CENPH: variants seen among roughly 807,000 people sequenced by gnomAD.
CENPH encodes the protein CENP-H.
Under a neutral mutation model 42.9 loss-of-function variants are expected in CENPH, and 40 were observed. The observed-to-expected ratio is 0.93, with a 90% CI of 0.72 to 1.21. CENPH has a LOEUF of 1.21. Ranked by LOEUF, CENPH falls within the 50% of genes most tolerant of loss-of-function variation. CENPH has a pLI of 0.00. For synonymous variants in CENPH, 88 were observed against 96.5 expected (o/e 0.91, Z 0.52); for missense variants, 302 against 292.9 (o/e 1.03, Z -0.23).
chr5:69,200,744 T>TTTTTTTTTTG (rs1748046336), intron 5 of CENPH, among the ~76,000 whole-genome samples: 1 of 97,496 alleles, frequency 1.0e-5, no homozygotes, highest in South Asian at 3.9e-4. Context: ...TTTTTTTTTT[T>TTTTTTTTTTG]TTTTTTTTTG....
intron 5 of CENPH, among the ~76,000 whole-genome samples, chr5:69,199,706 G>A (rs941100421): frequency 2.0e-5 from 3 of 152,152 alleles, no homozygotes; most frequent in Admixed American, 6.6e-5. Flanking sequence ...TAAGACAGTT[G>A]TAACTTTCTC....
chr5:69,193,552 G>C (rs193109683), intron 2 of CENPH, among the ~76,000 whole-genome samples: 140 of 150,366 alleles, frequency 9.3e-4, no homozygotes, highest in Admixed American at 1.5e-3. Flanking sequence ...GGGATATCAA[G>C]GCTGCAGTGA....
Position 69,189,676 on chromosome 5 carries a change from G to T in CENPH, c.42G>T (p.Ala14=), listed in dbSNP as rs890308297. 8.1e-6 allele frequency: 13 copies of T among 1,597,038 alleles called. No individual in the cohort carries two copies. The Admixed American group carries it at 1.0e-4, about 13-fold the overall frequency. ...QPQMQDADEP[A]DSGGEGRAGG... ...AGATGCAAGACGCCGACGAGCCCGC[G>T]GACTCCGGAGGGGAAGGCCGGGCAG... Residue 14 remains alanine (A), a synonymous_variant, in exon 1 of 9, where the codon GCG becomes GCT. Transcript: ENST00000283006.
intron 2 of CENPH, among the ~76,000 whole-genome samples, chr5:69,193,167 A>G (rs1377917596): frequency 6.7e-6 from 1 of 150,246 alleles, no homozygotes; most frequent in South Asian, 2.1e-4. Context: ...ATATATGTAT[A>G]TATATGTGTG....
chr5:69,203,575 G>T (rs1748092793), intron 7 of CENPH, among the ~76,000 whole-genome samples: 1 of 152,018 alleles, frequency 6.6e-6, no homozygotes, highest in Non-Finnish European at 1.5e-5. Flanking sequence ...CACCATGTTG[G>T]CCAGGCTGGT....
chr5:69,195,759 T>TTTTTTACC lies in CENPH; in HGVS notation c.282_283insTTTTTACC (p.Ala95PhefsTer7). 1 of 1,561,986 alleles carries TTTTTTACC rather than the reference T, an allele frequency of 6.4e-7. No homozygotes were observed. The highest frequency in any genetic ancestry group is 8.7e-7 in the Non-Finnish European group (1 of 1,150,514). ...AAAATGAAATTGAAGAGGTAAAAGT[T>TTTTTTACC]GCTTTTGAGATAAAAAAGCTTGCAT... On this transcript the variant is annotated frameshift_variant, in exon 4 of 9. Transcript: ENST00000283006. LOFTEE classifies it high-confidence loss of function.
intron 1 of CENPH, among the ~76,000 whole-genome samples, chr5:69,190,445 A>G (rs1580221487): frequency 6.6e-6 from 1 of 152,364 alleles, no homozygotes; most frequent in Non-Finnish European, 1.5e-5. Context: ...TTGGAGTACA[A>G]CTTTCCTGCC....
At chr5:69,194,249 C>T (rs527897186) in intron 2 of CENPH, among the ~76,000 whole-genome samples, 39 of 152,160 alleles carry the variant, frequency 2.6e-4, no homozygotes, top group African/African-American at 7.9e-4. Context: ...ACCCCAACCT[C>T]GTGGGCTCAA....
At chr5:69,209,204 A>C (rs573932948) in intron 8 of CENPH, among the ~76,000 whole-genome samples, 1 of 152,212 alleles carries the variant, frequency 6.6e-6, no homozygotes, top group Non-Finnish European at 1.5e-5. Flanking sequence ...TCAAGGCTAA[A>C]GCCTTACTAA....
intron 7 of CENPH, among the ~76,000 whole-genome samples, chr5:69,206,670 T>C (rs1165211554): frequency 1.3e-5 from 2 of 152,034 alleles, no homozygotes; most frequent in African/African-American, 4.8e-5. Context: ...CACTGATTTA[T>C]ATTTTTAGTA....
intron 2 of CENPH, among the ~76,000 whole-genome samples, chr5:69,193,665 T>TG (rs1747916843): frequency 1.3e-5 from 2 of 148,234 alleles, no homozygotes; most frequent in Non-Finnish European, 3.0e-5. Context: ...TTTTTTCTGT[T>TG]TTTTTTTTTT....
Position 69,210,252 on chromosome 5 carries a change from G to A in CENPH, c.*453G>A, listed in dbSNP as rs1283756100. 6.6e-6 allele frequency: 1 copy of A among 152,206 alleles called. No homozygotes were observed. The highest frequency in any genetic ancestry group is 1.5e-5 in the Non-Finnish European group (1 of 68,090). The allele number at this position is 152,206 out of a possible 1,614,324, so 9.4% of individuals were successfully genotyped here. On this transcript the variant is annotated 3_prime_UTR_variant, in exon 9 of 9. Coordinates refer to ENST00000283006, the MANE Select transcript of CENPH (RefSeq NM_022909.4). ...TGAGCTCAGGCAGTCCACCGCCTCG[G>A]CCTACCGAAGTGCTAGGATTACAGA...
In CENPH at chr5:69,202,945, G is replaced by C. The variant is rs555965946; in HGVS notation, c.462G>C (p.Leu154=). The C allele has an allele frequency of 6.3e-6, 10 of 1,593,280 alleles. No individual in the cohort carries two copies. In the South Asian group the frequency reaches 1.1e-4, roughly 18 times the overall value. The change falls in exon 7 of 9, where the codon CTG becomes CTC. Residue 154 remains leucine, a synonymous_variant. Coordinates refer to ENST00000283006, the MANE Select transcript of CENPH (RefSeq NM_022909.4). ...QQESWDLEEK[L]LDIRKKRLQL... is the part of the protein sequence containing the mutation. ...AATCTTGGGATTTAGAGGAAAAACT[G>C]CTTGATATTAGAAAGAAGAGATTGC...
intron 5 of CENPH, among the ~76,000 whole-genome samples, chr5:69,201,763 G>T (rs536582110): frequency 6.6e-6 from 1 of 152,320 alleles, no homozygotes; most frequent in South Asian, 2.1e-4. Flanking sequence ...TGAGGCTGAG[G>T]CAGGATGATC....
At chr5:69,207,546 G>C (rs184821544) in intron 7 of CENPH, among the ~76,000 whole-genome samples, 4 of 150,754 alleles carry the variant, frequency 2.7e-5, no homozygotes, top group African/African-American at 9.7e-5. Context: ...GGTGGCTCAC[G>C]CCTGTAATCT....
Position 69,189,765 on chromosome 5 carries a change from T to A in CENPH, c.131T>A (p.Leu44His), listed in dbSNP as rs1025224684. The A allele has an allele frequency of 3.8e-5, 57 of 1,496,028 alleles. No homozygotes were observed. The highest frequency in any genetic ancestry group is 5.1e-5 in the Non-Finnish European group (57 of 1,126,490). The allele number at this position is 1,496,028 out of a possible 1,614,324, so 92.7% of individuals were successfully genotyped here. The change falls in exon 1 of 9, where the codon CTC becomes CAC. Residue 44 changes from leucine (L) to histidine (H), a missense_variant. Leu to His is a moderately conservative substitution (Grantham distance 99, BLOSUM62 -3). Transcript: ENST00000283006. ...AGCGAGGACCGCATGACCCTGCTCCTCAGGTTGTTCCCTTTGGCCTCCTCA... is the reference window on the plus strand; with the variant it reads ...AGCGAGGACCGCATGACCCTGCTCCACAGGTTGTTCCCTTTGGCCTCCTCA... ...ACSEDRMTLL[L>H]RLRAQTKQQL...
At chr5:69,199,840 C>T (rs1438430835) in intron 5 of CENPH, among the ~76,000 whole-genome samples, 2 of 152,186 alleles carry the variant, frequency 1.3e-5, no homozygotes, top group East Asian at 1.9e-4. Flanking sequence ...CAGGCCGGTG[C>T]GGTGGCTCAC....
At chr5:69,195,598 A>G in intron 3 of CENPH, 119 bp from the exon 4 acceptor site, 1 of 630,180 alleles carries the variant, frequency 1.6e-6, no homozygotes, top group Admixed American at 3.0e-5. Context: ...TTGAGCCTGT[A>G]GAATACTTGT....
rs556272396 is a variant in CENPH, at chr5:69,196,442, C to G, written c.315-611C>G. 2.6e-3 allele frequency among the ~76,000 whole-genome samples: 401 copies of G among 152,288 alleles called. 3 individuals are homozygous for G. Among genetic ancestry groups the G allele is most frequent in the Middle Eastern group, 3.4e-3 (1 of 294 alleles). ...GGTGGATCACCTGAGGTCAGGAGTTCAAGACCAGCCTGACCAACAATGCAA... is the reference window on the plus strand; with the variant it reads ...GGTGGATCACCTGAGGTCAGGAGTTGAAGACCAGCCTGACCAACAATGCAA... On this transcript the variant is annotated intron_variant, in intron 4 of 8. Transcript: ENST00000283006.
Sources: gnomAD v4.1 joint callset for allele counts (sites outside exome capture counted in the v4.1 genomes callset) on GRCh38, gnomAD v4.1.1 for gene constraint, MANE v1.5 for transcripts, NCBI Gene and HGNC (gene_info 2026-07-23, HGNC 2026-07-21) for gene names.